PEX1: variants seen among roughly 807,000 people sequenced by gnomAD.
The protein encoded by PEX1 is peroxisomal ATPase PEX1.
A neutral mutation model predicts 152.5 loss-of-function variants in PEX1; 97 were observed. The observed-to-expected ratio is 0.64, with a 90% CI of 0.54 to 0.75. The LOEUF is 0.75. PEX1 is among the 30% of genes least tolerant of loss of function. The pLI is 0.00. For missense variants in PEX1, 1,357 were observed against 1,516.3 expected (o/e 0.89, Z 1.74); for synonymous variants, 485 against 531.6 (o/e 0.91, Z 1.21).
In PEX1 at chr7:92,506,906, C is replaced by T. The variant is rs566435537; in HGVS notation, c.1803+88G>A. 1.6e-5 allele frequency: 21 copies of T among 1,344,842 alleles called. No homozygotes were observed. The South Asian group carries it at 2.2e-4, about 14-fold the overall frequency. 83.3% of individuals were successfully genotyped at this position (1,344,842 alleles called of 1,614,324 possible). On this transcript the variant is annotated intron_variant, in intron 10 of 23. Coordinates refer to ENST00000248633, the MANE Select transcript of PEX1 (RefSeq NM_000466.3). ...TATATAATAGATGGTCAAAACCCAC[C>T]CTATATAATAGATGGTCAAAACCCA...
intron 8 of PEX1, among the ~76,000 whole-genome samples, chr7:92,510,420 C>G (rs1219971627): frequency 1.4e-5 from 2 of 144,786 alleles, no homozygotes; most frequent in Non-Finnish European, 3.0e-5. Context: ...GAGCCATGAT[C>G]ATGCCACTGC....
chr7:92,512,139 T>G (rs1175112585), intron 6 of PEX1, among the ~76,000 whole-genome samples: 1 of 151,728 alleles, frequency 6.6e-6, no homozygotes, highest in African/African-American at 2.4e-5. Flanking sequence ...TTCAAGCGAT[T>G]CGCTTGCCTC....
chr7:92,499,277 A>G (rs997939006), intron 16 of PEX1, among the ~76,000 whole-genome samples: 1 of 152,230 alleles, frequency 6.6e-6, no homozygotes, highest in Admixed American at 6.5e-5. Flanking sequence ...TTACAGCAAC[A>G]TTATTCATAA....
At chr7:92,511,253 T>G (rs902989489) in intron 7 of PEX1, among the ~76,000 whole-genome samples, 1 of 151,968 alleles carries the variant, frequency 6.6e-6, no homozygotes, top group Admixed American at 6.6e-5. Flanking sequence ...GCCTCCCAAG[T>G]AGCTGGGACT....
rs1792846805 is a variant in PEX1, at chr7:92,517,466, T to C, written c.1049A>G (p.Gln350Arg). Reference sequence around the variant, plus strand: ...CTCTTTTTCAGGTGATAACACATTTTGTTTTGTTTTACTTTGCTGTTGCTT... The same window carrying C: ...CTCTTTTTCAGGTGATAACACATTTCGTTTTGTTTTACTTTGCTGTTGCTT... Reference protein sequence around the residue: ...SPKQQQSKTKQNVLSPEKEKQ... With the variant: ...SPKQQQSKTKRNVLSPEKEKQ... Residue 350 changes from glutamine (Q) to arginine (R), a missense_variant, in exon 5 of 24, where the codon CAA becomes CGA. Gln to Arg is a conservative substitution (Grantham distance 43). Coordinates refer to ENST00000248633, the MANE Select transcript of PEX1 (RefSeq NM_000466.3). 1 of 1,613,948 alleles carries C rather than the reference T, an allele frequency of 6.2e-7. No homozygotes were observed. Among genetic ancestry groups the C allele is most frequent in the Admixed American group, 1.7e-5 (1 of 59,994 alleles).
At chr7:92,498,772 A>C (rs1791781156) in intron 16 of PEX1, among the ~76,000 whole-genome samples, 1 of 152,228 alleles carries the variant, frequency 6.6e-6, no homozygotes, top group South Asian at 2.1e-4. Flanking sequence ...ACCTAGTCTC[A>C]CTTTGACAAA....
At chr7:92,511,089 CAG>C (rs776996058) in intron 7 of PEX1, 42 bp from the exon 8 acceptor site, 8 of 886,650 alleles carry the variant, frequency 9.0e-6, no homozygotes, top group Middle Eastern at 2.9e-4. Flanking sequence ...AGTACTGAAA[CAG>C]AGATGAAATA....
intron 11 of PEX1, among the ~76,000 whole-genome samples, chr7:92,505,955 T>G (rs1454456836): frequency 6.6e-6 from 1 of 152,128 alleles, no homozygotes; most frequent in Admixed American, 6.5e-5. Flanking sequence ...TTTATACCAA[T>G]TAGAGTATAT....
chr7:92,510,191 C>T (rs111642561), intron 8 of PEX1, among the ~76,000 whole-genome samples: 6,912 of 148,540 alleles, frequency 0.047, 183 homozygotes, highest in African/African-American at 0.072. Flanking sequence ...AATAGCTGGG[C>T]GCAGTGGCTC....
intron 19 of PEX1, chr7:92,493,970 T>G (rs945937080): frequency 1.9e-5 from 5 of 262,078 alleles, no homozygotes; most frequent in Non-Finnish European, 3.7e-5. Context: ...TGTATCAGAG[T>G]TTTTTTTTTG....
chr7:92,523,601 G>A (rs1319756331), intron 1 of PEX1, among the ~76,000 whole-genome samples: 1 of 151,868 alleles, frequency 6.6e-6, no homozygotes, highest in Non-Finnish European at 1.5e-5. Context: ...TTACAGGCAT[G>A]AGCCACCATG....
At chr7:92,494,453 TATAAC>T (rs1562848215) in intron 18 of PEX1, 29 bp downstream of exon 18, 1 of 1,612,196 alleles carries the variant, frequency 6.2e-7, no homozygotes, top group Non-Finnish European at 8.5e-7. Flanking sequence ...GACATTTTGT[TATAAC>T]ATTCTATTTC....
At chr7:92,506,679 G>A in intron 10 of PEX1, 1 of 495,844 alleles carries the variant, frequency 2.0e-6, no homozygotes, top group East Asian at 3.7e-5. Context: ...GGTATGCAAG[G>A]CTGGTTCAAC....
chr7:92,493,372 C>T (rs529587145), intron 19 of PEX1: 8 of 240,020 alleles, frequency 3.3e-5, no homozygotes, highest in African/African-American at 1.2e-4. Flanking sequence ...TGGTGGCTCA[C>T]GCCTGTAATC....
intron 19 of PEX1, chr7:92,494,091 A>C (rs1428487087): frequency 3.6e-6 from 2 of 552,188 alleles, no homozygotes; most frequent in African/African-American, 3.8e-5. Context: ...AGGATTACAA[A>C]GTTTTCAGAC....
chr7:92,528,482 G>T lies in PEX1; in HGVS notation c.-47C>A. The T allele has an allele frequency of 2.0e-6, 3 of 1,517,934 alleles. No individual in the cohort carries two copies. 94.0% of individuals were successfully genotyped at this position (1,517,934 alleles called of 1,614,324 possible). A position where few individuals can be genotyped will look rare whatever the true frequency, so the allele number is the denominator to read the frequency against. On this transcript the variant is annotated 5_prime_UTR_variant, in exon 1 of 24. Transcript: ENST00000248633. ...GTTCGCCCACCCTAGCGCCGCAAAG[G>T]ACCCGGGACCCGGCAGGCCGAGGAC...
Position 92,514,291 on chromosome 7 carries a change from C to T in PEX1, c.1240-324G>A, listed in dbSNP as rs534259529. On this transcript the variant is annotated intron_variant, in intron 5 of 23. Transcript: ENST00000248633. Reference sequence around the variant, plus strand: ...ACGATCACCTTGGGAGTTGGGATTTCGACATATGAATTTGAGGAGGACAAA... The same window carrying T: ...ACGATCACCTTGGGAGTTGGGATTTTGACATATGAATTTGAGGAGGACAAA... Among the ~76,000 whole-genome samples, 7 of 152,258 alleles carry T rather than the reference C, an allele frequency of 4.6e-5. No homozygotes were observed. The South Asian group carries it at 8.3e-4, about 18-fold the overall frequency.
At chr7:92,516,263 TA>T in intron 5 of PEX1, among the ~76,000 whole-genome samples, 1 of 151,340 alleles carries the variant, frequency 6.6e-6, no homozygotes, top group South Asian at 2.1e-4. Context: ...CAGTTTCTAC[TA>T]AAAATACAAA....
Position 92,527,946 on chromosome 7 carries a change from C to G in PEX1, c.129+361G>C, listed in dbSNP as rs565302178. Among the ~76,000 whole-genome samples the G allele has an allele frequency of 1.2e-4, 18 of 152,356 alleles. No individual in the cohort carries two copies. The South Asian group carries it at 3.5e-3, about 30-fold the overall frequency. ...GCTCTCGCGGCCCGGACGGCAGCAG[C>G]GCAGGTTAACTGGAAATGGCTGGCA... On this transcript the variant is annotated intron_variant, in intron 1 of 23. Transcript: ENST00000248633.
Sources: gnomAD v4.1 joint callset for allele counts (sites outside exome capture counted in the v4.1 genomes callset) on GRCh38, gnomAD v4.1.1 for gene constraint, MANE v1.5 for transcripts, NCBI Gene and HGNC (gene_info 2026-07-23, HGNC 2026-07-21) for gene names.